The following GRIA4 variants were observed in gnomAD, a reference collection of about 807,000 sequenced individuals.
GRIA4 encodes the protein glutamate receptor 4.
In GRIA4, 34 loss-of-function variants were observed where a neutral mutation model predicts 104.0. That is an observed-to-expected ratio of 0.33 (90% CI 0.25 to 0.44). GRIA4 has a LOEUF of 0.44. GRIA4 is among the 20% of genes least tolerant of loss of function. The probability of loss-of-function intolerance (pLI) is 1.00; values close to 1 mark genes in which losing one functional copy is unlikely to be tolerated. For synonymous variants in GRIA4, 386 were observed against 381.9 expected (o/e 1.01, Z -0.13); for missense variants, 750 against 1,096.5 (o/e 0.68, Z 4.46).
intron 3 of GRIA4, among the ~76,000 whole-genome samples, chr11:105,731,420 T>C (rs557741406): frequency 1.3e-3 from 191 of 152,274 alleles, no homozygotes; most frequent in Non-Finnish European, 2.1e-3. Flanking sequence ...ACTTTTACAC[T>C]GTTGGTGGGA....
chr11:105,794,469 G>GTATATATATATATATATATA lies in GRIA4; in HGVS notation c.487+41252_487+41253insATATATATATATATATATAT, dbSNP rs1200611859. ...TGTGTGTGTCTGTGTGTGTGTATATGTATGTATATATATATATATATATAT... is the reference window on the plus strand; with the variant it reads ...TGTGTGTGTCTGTGTGTGTGTATATGTATATATATATATATATATATATGTATATATATATATATATATAT... On this transcript the variant is annotated intron_variant, in intron 4 of 16. Transcript: ENST00000282499. Among the ~76,000 whole-genome samples, 5 of 40,774 alleles carry GTATATATATATATATATATA rather than the reference G, an allele frequency of 1.2e-4. 1 individual carries two copies. The highest frequency in any genetic ancestry group is 2.0e-4 in the Non-Finnish European group (4 of 20,362). The allele number at this position is 40,774 out of a possible 152,430, so 26.7% of individuals were successfully genotyped here. A position where few individuals can be genotyped will look rare whatever the true frequency, so the allele number is the denominator to read the frequency against.
chr11:105,854,051 CTATT>C (rs1444151260), intron 4 of GRIA4, among the ~76,000 whole-genome samples: 1 of 152,178 alleles, frequency 6.6e-6, no homozygotes, highest in Non-Finnish European at 1.5e-5. Flanking sequence ...TTATCCAAAA[CTATT>C]TATCGAGTCC....
intron 4 of GRIA4, among the ~76,000 whole-genome samples, chr11:105,780,935 TCACACA>T (rs964376318): frequency 6.6e-6 from 1 of 151,704 alleles, no homozygotes; most frequent in African/African-American, 2.4e-5. Flanking sequence ...TGCCTTTCTT[TCACACA>T]CACACACATA....
intron 3 of GRIA4, among the ~76,000 whole-genome samples, chr11:105,638,273 A>C (rs1232674227): frequency 2.0e-5 from 3 of 152,168 alleles, no homozygotes; most frequent in Non-Finnish European, 2.9e-5. Context: ...AGGAACAGTG[A>C]AAGATGGAGT....
At chr11:105,835,160 T>A (rs1944129602) in intron 4 of GRIA4, among the ~76,000 whole-genome samples, 1 of 151,924 alleles carries the variant, frequency 6.6e-6, no homozygotes, top group African/African-American at 2.4e-5. Flanking sequence ...TACTATTAAA[T>A]TTTATACTTA....
intron 3 of GRIA4, among the ~76,000 whole-genome samples, chr11:105,684,008 G>A (rs1294413386): frequency 1.3e-5 from 2 of 151,924 alleles, no homozygotes; most frequent in Non-Finnish European, 2.9e-5. Context: ...CTGAGTAGCT[G>A]GGATTACAGG....
chr11:105,891,776 C>T lies in GRIA4; in HGVS notation c.726+4204C>T, dbSNP rs201900195. On this transcript the variant is annotated intron_variant, in intron 6 of 16. Transcript: ENST00000282499. Reference sequence around the variant, plus strand: ...TTATCAAATTATTATTTTATAACCCCTCTGTAACAGGTACTGTCCAACATC... The same window carrying T: ...TTATCAAATTATTATTTTATAACCCTTCTGTAACAGGTACTGTCCAACATC... Among the ~76,000 whole-genome samples, 5 of 152,190 alleles carry T rather than the reference C, an allele frequency of 3.3e-5. No individual in the cohort carries two copies. The East Asian group carries it at 9.7e-4, about 29-fold the overall frequency.
At position 105,698,631 on chromosome 11, in the gene GRIA4, T is replaced by C. The variant is rs184172012; in HGVS notation, c.248-54350T>C. ...GGAACCAAGGAAAACTTCTTGTATA[T>C]AATCCATCAGAACACCAGAGAGAAT... On this transcript the variant is annotated intron_variant, in intron 3 of 16. Transcript: ENST00000282499. Among the ~76,000 whole-genome samples, 7 of 152,288 alleles carry C rather than the reference T, an allele frequency of 4.6e-5. No homozygotes were observed. The East Asian group carries it at 1.4e-3, about 29-fold the overall frequency.
At chr11:105,688,883 T>C (rs1043769190) in intron 3 of GRIA4, among the ~76,000 whole-genome samples, 1 of 152,044 alleles carries the variant, frequency 6.6e-6, no homozygotes, top group African/African-American at 2.4e-5. Context: ...CCGCTGTTTA[T>C]ATTGGAAGAT....
intron 4 of GRIA4, among the ~76,000 whole-genome samples, chr11:105,828,544 T>A (rs574681995): frequency 1.3e-5 from 2 of 152,032 alleles, no homozygotes; most frequent in African/African-American, 4.8e-5. Flanking sequence ...AAATTATACT[T>A]TGGAAAGTTT....
chr11:105,876,680 G>C (rs566447522), intron 5 of GRIA4, among the ~76,000 whole-genome samples: 1 of 152,206 alleles, frequency 6.6e-6, no homozygotes, highest in East Asian at 1.9e-4. Flanking sequence ...GCCCTTCTTT[G>C]TCTTTTTTGA....
chr11:105,916,098 C>T (rs1236719884), intron 10 of GRIA4, among the ~76,000 whole-genome samples: 1 of 152,070 alleles, frequency 6.6e-6, no homozygotes, highest in East Asian at 1.9e-4. Context: ...GCAGGAGAAT[C>T]GCTTGAACCC....
chr11:105,699,216 C>T (rs904389633), intron 3 of GRIA4, among the ~76,000 whole-genome samples: 2 of 152,156 alleles, frequency 1.3e-5, no homozygotes, highest in African/African-American at 4.8e-5. Flanking sequence ...CTGTTCCCTC[C>T]TCTGTGCTAT....
intron 3 of GRIA4, among the ~76,000 whole-genome samples, chr11:105,695,478 C>T (rs5007612): frequency 7.4e-6 from 1 of 135,154 alleles, no homozygotes; most frequent in Non-Finnish European, 1.6e-5. Flanking sequence ...GTGTGTGTGT[C>T]TGTGTGTGTG....
At chr11:105,688,132 C>CTA (rs1029836531) in intron 3 of GRIA4, among the ~76,000 whole-genome samples, 1 of 77,938 alleles carries the variant, frequency 1.3e-5, no homozygotes, top group African/African-American at 4.0e-5. Context: ...ATATCTATAT[C>CTA]TATATCTATA....
At chr11:105,722,742 A>G (rs953783899) in intron 3 of GRIA4, among the ~76,000 whole-genome samples, 5 of 152,076 alleles carry the variant, frequency 3.3e-5, no homozygotes, top group Non-Finnish European at 2.9e-5. Flanking sequence ...ATATAATGGT[A>G]TATGTATTTT....
At chr11:105,692,273 T>C (rs1330480372) in intron 3 of GRIA4, among the ~76,000 whole-genome samples, 2 of 151,948 alleles carry the variant, frequency 1.3e-5, no homozygotes, top group Non-Finnish European at 2.9e-5. Flanking sequence ...AAAAGAAAGT[T>C]GCCATTAAAC....
intron 10 of GRIA4, among the ~76,000 whole-genome samples, chr11:105,915,282 T>C (rs887461498): frequency 1.3e-5 from 2 of 152,150 alleles, no homozygotes; most frequent in Non-Finnish European, 2.9e-5. Flanking sequence ...AGGCAAAAAG[T>C]CTAACTGCAT....
At chr11:105,718,173 T>C (rs1954166527) in intron 3 of GRIA4, among the ~76,000 whole-genome samples, 2 of 152,138 alleles carry the variant, frequency 1.3e-5, no homozygotes, top group South Asian at 4.1e-4. Flanking sequence ...AGTCTTAAAA[T>C]ATTTAAGGCT....
Sources: allele counts gnomAD v4.1 joint callset (sites outside exome capture counted in the v4.1 genomes callset), GRCh38; gene constraint gnomAD v4.1.1; transcripts MANE v1.5; gene names NCBI Gene and HGNC (gene_info 2026-07-23, HGNC 2026-07-21).